The following MEI4 variants were observed in gnomAD, a reference collection of about 807,000 sequenced individuals.
MEI4 encodes the protein meiosis-specific protein MEI4.
In MEI4, 27 loss-of-function variants were observed where a neutral mutation model predicts 31.4. The observed-to-expected ratio is 0.86, with a 90% confidence interval of 0.63 to 1.19. The LOEUF (loss-of-function observed/expected upper bound fraction) is 1.19, where lower values mean the gene tolerates loss of function less well. Among genes scored for constraint, MEI4 ranks in the 50% most tolerant of loss-of-function variants. MEI4 has a pLI of 0.00. For synonymous variants in MEI4, 122 were observed against 145.4 expected (o/e 0.84, Z 1.16); for missense variants, 329 against 398.9 (o/e 0.82, Z 1.49).
intron 2 of MEI4, among the ~76,000 whole-genome samples, chr6:77,705,664 G>A (rs1766315131): frequency 6.6e-6 from 1 of 152,146 alleles, no homozygotes; most frequent in African/African-American, 2.4e-5. Flanking sequence ...ATCCACATTG[G>A]CTTTACTGTG....
At chr6:77,786,009 C>T (rs1388081465) in intron 3 of MEI4, among the ~76,000 whole-genome samples, 1 of 152,076 alleles carries the variant, frequency 6.6e-6, no homozygotes, top group Non-Finnish European at 1.5e-5. Context: ...AGAGTTTTAC[C>T]TTGTTTTTGC....
At chr6:77,761,796 GT>G in intron 3 of MEI4, 131 bp downstream of exon 3, 1 of 506,058 alleles carries the variant, frequency 2.0e-6, no homozygotes, top group Non-Finnish European at 3.1e-6. Flanking sequence ...TTCTGCAGCT[GT>G]CTGCAGCTCT....
intron 3 of MEI4, among the ~76,000 whole-genome samples, chr6:77,797,860 C>A (rs1298594796): frequency 6.6e-6 from 1 of 152,110 alleles, no homozygotes; most frequent in African/African-American, 2.4e-5. Flanking sequence ...GCAAAACCCT[C>A]ACAGACACAC....
At chr6:77,791,256 C>A (rs1048995393) in intron 3 of MEI4, among the ~76,000 whole-genome samples, 2 of 152,020 alleles carry the variant, frequency 1.3e-5, no homozygotes, top group Non-Finnish European at 2.9e-5. Flanking sequence ...GCATTATTCA[C>A]GATAGCAAAG....
At position 77,836,809 on chromosome 6, in the gene MEI4, C is replaced by G. The variant is rs540181699; in HGVS notation, c.900+7747C>G. ...TACGAAGCCTGGCTCAGTCAGCAAT[C>G]AATCCATCAGAGAGAATAGAATTAT... On this transcript the variant is annotated intron_variant, in intron 4 of 4. Transcript: ENST00000684080. 5.9e-5 allele frequency among the ~76,000 whole-genome samples: 9 copies of G among 152,174 alleles called. No homozygotes were observed. In the South Asian group the frequency reaches 1.5e-3, roughly 25 times the overall value.
chr6:77,880,421 C>G (rs577135156), intron 4 of MEI4, among the ~76,000 whole-genome samples: 1 of 151,868 alleles, frequency 6.6e-6, no homozygotes, highest in African/African-American at 2.4e-5. Context: ...TTAGTAGAGA[C>G]GGGGTTTCAC....
At chr6:77,673,565 G>T (rs1344957012) in intron 1 of MEI4, among the ~76,000 whole-genome samples, 7 of 152,148 alleles carry the variant, frequency 4.6e-5, no homozygotes, top group African/African-American at 7.2e-5. Context: ...CCTCTTGGGG[G>T]TGTTGGTGGA....
At chr6:77,824,648 T>C (rs1285926670) in intron 3 of MEI4, among the ~76,000 whole-genome samples, 2 of 13,736 alleles carry the variant, frequency 1.5e-4, no homozygotes, top group African/African-American at 7.8e-4. Context: ...TATTAGACAT[T>C]CAAGTTAAAA....
intron 4 of MEI4, among the ~76,000 whole-genome samples, chr6:77,889,725 T>C (rs1771711823): frequency 6.6e-6 from 1 of 152,182 alleles, no homozygotes; most frequent in Non-Finnish European, 1.5e-5. Flanking sequence ...ATCACAGGCC[T>C]GGAGTCCTAG....
chr6:77,660,575 T>A (rs1768485847), intron 1 of MEI4, among the ~76,000 whole-genome samples: 1 of 150,904 alleles, frequency 6.6e-6, no homozygotes, highest in Non-Finnish European at 1.5e-5. Flanking sequence ...TTGGCCTAAG[T>A]GGTGGGGGTG....
intron 3 of MEI4, among the ~76,000 whole-genome samples, chr6:77,812,314 TAAAG>T (rs1018491253): frequency 3.0e-4 from 46 of 152,008 alleles, no homozygotes; most frequent in African/African-American, 1.0e-3. Context: ...AAAATACAAA[TAAAG>T]AAAAGCAAGC....
intron 4 of MEI4, among the ~76,000 whole-genome samples, chr6:77,899,217 C>G (rs1170350081): frequency 6.6e-6 from 1 of 151,990 alleles, no homozygotes; most frequent in Non-Finnish European, 1.5e-5. Context: ...ATACTTAGAT[C>G]TCTTTAACCA....
chr6:77,765,887 G>A (rs773279055), intron 3 of MEI4, among the ~76,000 whole-genome samples: 9 of 152,218 alleles, frequency 5.9e-5, no homozygotes, highest in Middle Eastern at 3.4e-3. Flanking sequence ...GTCCTTTGTA[G>A]GATGAAGCTG....
At chr6:77,768,947 C>A (rs1768241469) in intron 3 of MEI4, among the ~76,000 whole-genome samples, 2 of 152,090 alleles carry the variant, frequency 1.3e-5, no homozygotes, top group South Asian at 4.1e-4. Context: ...TACCCAAATA[C>A]AAGCCTCTAG....
chr6:77,872,185 A>AT (rs111906082), intron 4 of MEI4, among the ~76,000 whole-genome samples: 6 of 152,160 alleles, frequency 3.9e-5, no homozygotes, highest in Admixed American at 1.3e-4. Context: ...CCAGAATAGG[A>AT]TTTTTTGTTT....
intron 2 of MEI4, among the ~76,000 whole-genome samples, chr6:77,700,380 A>G (rs750895819): frequency 6.6e-6 from 1 of 152,334 alleles, no homozygotes; most frequent in Non-Finnish European, 1.5e-5. Context: ...CCGTGGGTGT[A>G]GGACCCTCCT....
chr6:77,739,251 T>C (rs1383964409), intron 2 of MEI4, among the ~76,000 whole-genome samples: 1 of 152,150 alleles, frequency 6.6e-6, no homozygotes, highest in Non-Finnish European at 1.5e-5. Context: ...CTTGAGTTAA[T>C]TTTTTGTGTT....
At chr6:77,871,143 G>T (rs189859431) in intron 4 of MEI4, among the ~76,000 whole-genome samples, 1 of 152,188 alleles carries the variant, frequency 6.6e-6, no homozygotes, top group East Asian at 1.9e-4. Flanking sequence ...GACCATTTCA[G>T]TTCCTCACAG....
At chr6:77,852,619 G>A (rs1247742882) in intron 4 of MEI4, among the ~76,000 whole-genome samples, 9 of 149,040 alleles carry the variant, frequency 6.0e-5, no homozygotes, top group African/African-American at 1.7e-4. Context: ...TTAGAGACAG[G>A]AAAGTCCAAG....
Sources: allele counts gnomAD v4.1 joint callset (sites outside exome capture counted in the v4.1 genomes callset), GRCh38; gene constraint gnomAD v4.1.1; transcripts MANE v1.5; gene names NCBI Gene and HGNC (gene_info 2026-07-23, HGNC 2026-07-21).